The following TAFA5 variants were observed in gnomAD, a reference collection of about 807,000 sequenced individuals.
TAFA5 encodes the protein TAFA chemokine like family member 5, also known as chemokine-like protein TAFA-5.
A neutral mutation model predicts 15.3 loss-of-function variants in TAFA5; 6 were observed. That is an observed-to-expected ratio of 0.39 (90% CI 0.21 to 0.77). The LOEUF (loss-of-function observed/expected upper bound fraction) is 0.77, where lower values mean the gene tolerates loss of function less well. TAFA5 is among the 30% of genes least tolerant of loss of function. The pLI is 0.41. For synonymous variants in TAFA5, 103 were observed against 80.7 expected, an observed-to-expected ratio of 1.28 and a Z score of -1.48; for missense variants, 161 against 193.1, an observed-to-expected ratio of 0.83 and a Z score of 0.98.
At chr22:48,588,793 A>G (rs1176163869) in intron 1 of TAFA5, among the ~76,000 whole-genome samples, 3 of 152,070 alleles carry the variant, frequency 2.0e-5, no homozygotes, top group African/African-American at 7.2e-5. Flanking sequence ...AGACTCAGGA[A>G]TCTGTGGGAA....
Position 48,749,915 on chromosome 22 carries a change from G to C in TAFA5, c.*68G>C. 2 of 1,429,542 alleles carry C rather than the reference G, an allele frequency of 1.4e-6. No individual in the cohort carries two copies. Among genetic ancestry groups the C allele is most frequent in the Non-Finnish European group, 1.9e-6 (2 of 1,038,474 alleles). The allele number at this position is 1,429,542 out of a possible 1,614,324, so 88.6% of individuals were successfully genotyped here. A position where few individuals can be genotyped will look rare whatever the true frequency, so the allele number is the denominator to read the frequency against. On this transcript the variant is annotated 3_prime_UTR_variant, in exon 4 of 4. Coordinates refer to ENST00000402357, the MANE Select transcript of TAFA5 (RefSeq NM_001082967.3). ...CTGGAGAGCCCACGTCTCAGCCACAGTTCTCCACTCGCCTCGGACTTCACC... is the reference window on the plus strand; with the variant it reads ...CTGGAGAGCCCACGTCTCAGCCACACTTCTCCACTCGCCTCGGACTTCACC...
rs150404007 is a variant in TAFA5 at position 48,687,184 on chromosome 22, TGATG to T, written c.263-20527_263-20524del. Among the ~76,000 whole-genome samples, 347 of 150,196 alleles carry T rather than the reference TGATG, an allele frequency of 2.3e-3. 2 individuals carry two copies. Among genetic ancestry groups the T allele is most frequent in the African/African-American group, 8.2e-3 (332 of 40,650 alleles). On this transcript the variant is annotated intron_variant, in intron 2 of 3. Coordinates refer to ENST00000402357, the MANE Select transcript of TAFA5 (RefSeq NM_001082967.3). ...GAGGGTGGGTGATGGATGAGTGGAT[TGATG>T]GATGGGAGGATGGGTGGGTGGTGTA...
Position 48,607,663 on chromosome 22 carries a change from A to G in TAFA5, c.113-38934A>G, listed in dbSNP as rs866651549. Among the ~76,000 whole-genome samples the G allele has an allele frequency of 4.8e-3, 524 of 108,392 alleles. 1 individual carries two copies. The highest frequency in any genetic ancestry group is 0.018 in the Middle Eastern group (3 of 166). 71.1% of individuals were successfully genotyped at this position (108,392 alleles called of 152,430 possible). On this transcript the variant is annotated intron_variant, in intron 1 of 3. Transcript: ENST00000402357. ...CCTCAGTCTGGAGCAGGTCTGTCCC[A>G]GGTTCTGATTAGGGCTGGCCCACCC...
intron 1 of TAFA5, among the ~76,000 whole-genome samples, chr22:48,601,301 G>A (rs976845619): frequency 1.1e-4 from 16 of 152,162 alleles, no homozygotes; most frequent in African/African-American, 3.4e-4. Context: ...TATGACGTGT[G>A]TATATATCCT....
chr22:48,679,213 C>T (rs111166640), intron 2 of TAFA5, among the ~76,000 whole-genome samples: 13 of 104,954 alleles, frequency 1.2e-4, no homozygotes, highest in African/African-American at 3.9e-4. Flanking sequence ...CCCGGCTCCC[C>T]GTCCATCCCT....
intron 3 of TAFA5, among the ~76,000 whole-genome samples, chr22:48,711,026 C>G (rs1457605953): frequency 6.6e-6 from 1 of 152,194 alleles, no homozygotes; most frequent in Non-Finnish European, 1.5e-5. Context: ...GACTCAGATA[C>G]TCTGATCTTC....
intron 1 of TAFA5, among the ~76,000 whole-genome samples, chr22:48,582,388 TACC>T (rs1924086634): frequency 9.9e-6 from 1 of 100,878 alleles, no homozygotes; most frequent in East Asian, 3.6e-4. Context: ...ATACACCACA[TACC>T]ACACACAAAA....
At chr22:48,638,645 CA>C (rs1926553177) in intron 1 of TAFA5, among the ~76,000 whole-genome samples, 1 of 131,842 alleles carries the variant, frequency 7.6e-6, no homozygotes, top group African/African-American at 3.0e-5. Flanking sequence ...CAACCCCCCC[CA>C]CACACTAAGC....
chr22:48,503,383 C>T (rs5767175), intron 1 of TAFA5, among the ~76,000 whole-genome samples: 14,270 of 152,304 alleles, frequency 0.094, 1,048 homozygotes, highest in East Asian at 0.35. Context: ...TCTTGCTTTA[C>T]GCCAAGCACA....
intron 1 of TAFA5, among the ~76,000 whole-genome samples, chr22:48,515,672 G>C (rs1050012941): frequency 6.6e-6 from 1 of 152,208 alleles, no homozygotes; most frequent in African/African-American, 2.4e-5. Flanking sequence ...ACCCGGCCCT[G>C]CTGCATCCAA....
At chr22:48,563,026 G>A (rs907095862) in intron 1 of TAFA5, among the ~76,000 whole-genome samples, 2 of 152,162 alleles carry the variant, frequency 1.3e-5, no homozygotes, top group Non-Finnish European at 2.9e-5. Flanking sequence ...GGGCTGGACC[G>A]AGCCGCCCGC....
At chr22:48,501,890 C>G (rs535682251) in intron 1 of TAFA5, among the ~76,000 whole-genome samples, 17 of 152,326 alleles carry the variant, frequency 1.1e-4, no homozygotes, top group African/African-American at 4.1e-4. Context: ...TCTTCTGAAA[C>G]AGCAGGCAGA....
At chr22:48,747,577 A>G (rs79952158) in intron 3 of TAFA5, among the ~76,000 whole-genome samples, 2,306 of 152,226 alleles carry the variant, frequency 0.015, 58 homozygotes, top group African/African-American at 0.053. Flanking sequence ...TGTTTACTGG[A>G]ACCTTTAGTA....
At chr22:48,740,067 T>C (rs905789349) in intron 3 of TAFA5, among the ~76,000 whole-genome samples, 1 of 152,190 alleles carries the variant, frequency 6.6e-6, no homozygotes, top group African/African-American at 2.4e-5. Flanking sequence ...CTGCTGCCCA[T>C]GCCCATCCCA....
chr22:48,695,913 C>T (rs1287800125), intron 2 of TAFA5, among the ~76,000 whole-genome samples: 1 of 152,174 alleles, frequency 6.6e-6, no homozygotes, highest in African/African-American at 2.4e-5. Context: ...TCAAGCACCA[C>T]AGGGCCACAC....
intron 1 of TAFA5, among the ~76,000 whole-genome samples, chr22:48,574,368 G>A (rs984187236): frequency 1.3e-4 from 20 of 152,170 alleles, no homozygotes; most frequent in African/African-American, 3.6e-4. Flanking sequence ...GCTGGGCACC[G>A]CGAGCCAGGT....
intron 1 of TAFA5, among the ~76,000 whole-genome samples, chr22:48,589,197 A>G (rs1924470119): frequency 6.6e-6 from 1 of 152,206 alleles, no homozygotes; most frequent in African/African-American, 2.4e-5. Flanking sequence ...GCATGCACGT[A>G]TTGAGTACCT....
intron 1 of TAFA5, among the ~76,000 whole-genome samples, chr22:48,636,509 C>T (rs1411223026): frequency 1.3e-5 from 2 of 152,244 alleles, no homozygotes; most frequent in Non-Finnish European, 2.9e-5. Context: ...AAACATTAGG[C>T]ACTTAACTTA....
intron 1 of TAFA5, among the ~76,000 whole-genome samples, chr22:48,587,772 C>T (rs935366118): frequency 5.9e-5 from 9 of 152,274 alleles, no homozygotes; most frequent in African/African-American, 1.9e-4. Flanking sequence ...CAAACACGGC[C>T]TTCTGCCCTT....
Sources: allele counts gnomAD v4.1 joint callset (sites outside exome capture counted in the v4.1 genomes callset), GRCh38; gene constraint gnomAD v4.1.1; transcripts MANE v1.5; gene names NCBI Gene and HGNC (gene_info 2026-07-23, HGNC 2026-07-21).